ASB2: variants seen among roughly 807,000 people sequenced by gnomAD.
ASB2 encodes ankyrin repeat and SOCS box containing 2.
ASB2 carries 58 observed loss-of-function variants against 62.4 expected under a neutral mutation model. That is an observed-to-expected ratio of 0.93 (90% CI 0.75 to 1.16). ASB2 has a LOEUF of 1.16. Among genes scored for constraint, ASB2 ranks in the 50% most tolerant of loss-of-function variants. ASB2 has a pLI of 0.00. For missense variants in ASB2, 928 were observed against 887.9 expected (o/e 1.05, Z -0.57); for synonymous variants, 386 against 385.3 (o/e 1.00, Z -0.02).
At chr14:93,942,320 T>C (rs1888557911) in intron 7 of ASB2, 1 of 455,202 alleles carries the variant, frequency 2.2e-6, no homozygotes. Context: ...CCCTTCCTTG[T>C]CCCCTCCCCA....
intron 1 of ASB2, among the ~76,000 whole-genome samples, chr14:93,969,745 A>G (rs969584138): frequency 1.3e-5 from 2 of 151,792 alleles, no homozygotes; most frequent in Non-Finnish European, 2.9e-5. Flanking sequence ...GGAGCAAGGG[A>G]GGCCTGGCCC....
intron 9 of ASB2, among the ~76,000 whole-genome samples, chr14:93,936,087 C>G (rs547703354): frequency 6.6e-6 from 1 of 152,308 alleles, no homozygotes; most frequent in Admixed American, 6.5e-5. Flanking sequence ...AACATAACCT[C>G]CCCTCTGGGA....
rs1002887470 is a variant in ASB2 at position 93,939,053 on chromosome 14, G to A, written c.1617+55C>T. 4 of 1,371,220 alleles carry A rather than the reference G, an allele frequency of 2.9e-6. No homozygotes were observed. The South Asian group carries it at 4.8e-5, about 17-fold the overall frequency. 84.9% of individuals were successfully genotyped at this position (1,371,220 alleles called of 1,614,324 possible). On this transcript the variant is annotated intron_variant, in intron 8 of 9. Coordinates refer to ENST00000555019, the MANE Select transcript of ASB2 (RefSeq NM_001202429.2). ...CCGCCCGCCTCCCATGCGCGCGCGC[G>A]TCCCTGGGCCACACCCAAAAGGCGT...
intron 7 of ASB2, among the ~76,000 whole-genome samples, chr14:93,945,774 G>A (rs1412209201): frequency 2.6e-5 from 4 of 152,196 alleles, no homozygotes; most frequent in African/African-American, 7.2e-5. Context: ...TTTAAGGGGC[G>A]GCTCTGAAGC....
chr14:93,944,099 C>T (rs1216451670), intron 7 of ASB2: 3 of 436,778 alleles, frequency 6.9e-6, no homozygotes, highest in African/African-American at 2.0e-5. Context: ...CTCTTAGACA[C>T]CTTGAAGCCT....
rs1430516075 is a variant in ASB2 at position 93,953,477 on chromosome 14, A to G, written c.509T>C (p.Leu170Pro). 5.0e-6 allele frequency: 8 copies of G among 1,602,690 alleles called. No homozygotes were observed. The highest frequency in any genetic ancestry group is 6.8e-6 in the Non-Finnish European group (8 of 1,171,162). ...CAAGTAAACGGCTGTTTCCTCCTGCAGGGTGCGCTGGTCGATGGTCCCTGG... is the reference window on the plus strand; with the variant it reads ...CAAGTAAACGGCTGTTTCCTCCTGCGGGGTGCGCTGGTCGATGGTCCCTGG... ...AYPGTIDQRT[L>P]QEETAVYLAT... Residue 170 changes from leucine to proline, a missense_variant, in exon 5 of 10, where the codon CTG becomes CCG. Transcript: ENST00000555019.
At chr14:93,950,863 C>T (rs1210445128) in intron 6 of ASB2, 136 bp downstream of exon 6, 2 of 1,031,242 alleles carry the variant, frequency 1.9e-6, no homozygotes, top group Admixed American at 2.3e-5. Flanking sequence ...CAACACAGCA[C>T]TCTAGGAGGA....
intron 2 of ASB2, among the ~76,000 whole-genome samples, chr14:93,962,129 T>G (rs1889428183): frequency 1.5e-5 from 2 of 133,118 alleles, no homozygotes; most frequent in Admixed American, 7.5e-5. Context: ...TTTTTTTTTT[T>G]TTTGAGATGG....
intron 2 of ASB2, among the ~76,000 whole-genome samples, chr14:93,959,970 GTGCCATGAGTCTACCCCACGCCCACCCCA>G (rs6145448): frequency 0.14 from 20,840 of 151,630 alleles, 1,920 homozygotes; most frequent in African/African-American, 0.27. Flanking sequence ...ACCCGCCACT[GTGCCATGAGTCTACCCCACGCCCACCCCA>G]TGCCACGAGT....
intron 1 of ASB2, among the ~76,000 whole-genome samples, chr14:93,966,478 C>T (rs544335013): frequency 1.3e-5 from 2 of 152,204 alleles, no homozygotes; most frequent in East Asian, 1.9e-4. Flanking sequence ...CTGCTTAGTG[C>T]TTGGAGGACT....
intron 1 of ASB2, among the ~76,000 whole-genome samples, chr14:93,972,769 A>G (rs576536636): frequency 8.5e-4 from 130 of 152,332 alleles, no homozygotes; most frequent in African/African-American, 3.0e-3. Context: ...ATGAGTGGCC[A>G]AGTCGTAGCC....
At chr14:93,973,116 C>T (rs1889808100) in intron 1 of ASB2, among the ~76,000 whole-genome samples, 2 of 152,178 alleles carry the variant, frequency 1.3e-5, no homozygotes, top group African/African-American at 4.8e-5. Flanking sequence ...CAGGGCTCTT[C>T]TCTTTGTATG....
At chr14:93,968,018 T>C (rs916532482) in intron 1 of ASB2, among the ~76,000 whole-genome samples, 6 of 152,222 alleles carry the variant, frequency 3.9e-5, no homozygotes, top group African/African-American at 1.4e-4. Context: ...AGGGGTAACA[T>C]GATTATTTCG....
intron 1 of ASB2, among the ~76,000 whole-genome samples, chr14:93,971,531 G>T (rs1055438237): frequency 2.6e-5 from 4 of 152,178 alleles, no homozygotes; most frequent in African/African-American, 9.7e-5. Flanking sequence ...TGAGTATTTT[G>T]GTTAGGGTTC....
At chr14:93,970,003 C>G (rs1889714008) in intron 1 of ASB2, 1 of 152,222 alleles carries the variant, frequency 6.6e-6, no homozygotes, top group African/African-American at 2.4e-5. Flanking sequence ...TGGACCCTGG[C>G]AGGGTTATAG....
rs767498086 is a variant in ASB2, at chr14:93,937,924, C to A, written c.1618-73G>T. ...AAGAGCCTGCGGCCAGGGACGGCAG[C>A]GGATGTGTCCAAGCACAGACACTGT... is the stretch of plus-strand genomic sequence containing the variant. On this transcript the variant is annotated intron_variant, in intron 8 of 9. Transcript: ENST00000555019. 3.4e-5 allele frequency: 49 copies of A among 1,455,850 alleles called. No individual in the cohort carries two copies. The African/African-American group carries it at 5.4e-4, about 16-fold the overall frequency. The allele number at this position is 1,455,850 out of a possible 1,614,324, so 90.2% of individuals were successfully genotyped here.
intron 1 of ASB2, among the ~76,000 whole-genome samples, chr14:93,967,949 T>C (rs1050959829): frequency 6.6e-6 from 1 of 152,192 alleles, no homozygotes; most frequent in Non-Finnish European, 1.5e-5. Flanking sequence ...GGGAAGGAGA[T>C]AAGCTACTTC....
chr14:93,939,224 C>A lies in ASB2; in HGVS notation c.1501G>T (p.Asp501Tyr). The change falls in exon 8 of 10, where the codon GAC (aspartate) becomes TAC (tyrosine). Residue 501 changes from aspartate (D) to tyrosine (Y), a missense_variant. Physicochemically the swap from Asp to Tyr is radical, Grantham distance 160. Transcript: ENST00000555019. ...LLKFLMDLGC[D>Y]GEPCFSCLYG... ...AGGCATGAGAAGCAGGGCTCGCCGT[C>A]GCAGCCCAGGTCCATGAGGAACTTG... The A allele has an allele frequency of 6.2e-7, 1 of 1,607,966 alleles. No individual in the cohort carries two copies. Among genetic ancestry groups the A allele is most frequent in the Non-Finnish European group, 8.5e-7 (1 of 1,175,916 alleles).
intron 7 of ASB2, chr14:93,940,089 T>C (rs1284308252): frequency 5.8e-6 from 1 of 170,996 alleles, no homozygotes; most frequent in Admixed American, 6.3e-5. Context: ...CTCAGTTATT[T>C]GGAGGAATTG....
Sources: gnomAD v4.1 joint callset for allele counts (sites outside exome capture counted in the v4.1 genomes callset) on GRCh38, gnomAD v4.1.1 for gene constraint, MANE v1.5 for transcripts, NCBI Gene and HGNC (gene_info 2026-07-23, HGNC 2026-07-21) for gene names.